The following MBD5 variants were observed in gnomAD, a reference collection of about 807,000 sequenced individuals.
The protein encoded by MBD5 is methyl-CpG-binding domain protein 5.
MBD5 carries 13 observed loss-of-function variants against 117.3 expected under a neutral mutation model. The observed-to-expected ratio is 0.11, with a 90% confidence interval of 0.07 to 0.18. The LOEUF (loss-of-function observed/expected upper bound fraction) is 0.18, where lower values mean the gene tolerates loss of function less well. Among genes scored for constraint, MBD5 ranks in the 10% least tolerant of loss-of-function variants. The probability of loss-of-function intolerance (pLI) is 1.00; values close to 1 mark genes in which losing one functional copy is unlikely to be tolerated. For missense variants in MBD5, 1,879 were observed against 2,093.8 expected (o/e 0.90, Z 2.00); for synonymous variants, 727 against 766.4 (o/e 0.95, Z 0.85).
intron 3 of MBD5, among the ~76,000 whole-genome samples, chr2:148,282,629 C>G (rs1355106117): frequency 6.6e-6 from 1 of 151,658 alleles, no homozygotes; most frequent in Non-Finnish European, 1.5e-5. Flanking sequence ...AGCCATTACT[C>G]GTACAGTGGA....
At chr2:148,360,986 T>C (rs1466604354) in intron 4 of MBD5, among the ~76,000 whole-genome samples, 1 of 152,164 alleles carries the variant, frequency 6.6e-6, no homozygotes, top group Admixed American at 6.5e-5. Flanking sequence ...CTGCTAACTA[T>C]AAAAATCTTC....
chr2:148,174,446 GA>G, intron 1 of MBD5, among the ~76,000 whole-genome samples: 1 of 152,150 alleles, frequency 6.6e-6, no homozygotes, highest in Middle Eastern at 3.4e-3. Context: ...AACAAAAATA[GA>G]TAAAGGGGAT....
At position 148,443,412 on chromosome 2, in the gene MBD5, GA is replaced by G. The variant is rs964080050; in HGVS notation, c.-556-14788del. Among the ~76,000 whole-genome samples, 7 of 150,934 alleles carry G rather than the reference GA, an allele frequency of 4.6e-5. 1 individual carries two copies. The highest frequency in any genetic ancestry group is 1.0e-4 in the Non-Finnish European group (7 of 67,796). ...TCCTAGGTAGATACCCAAAAGAATGGAAATCTGTATCAGATATCTGCACTCT... is the reference window on the plus strand; with the variant it reads ...TCCTAGGTAGATACCCAAAAGAATGGAATCTGTATCAGATATCTGCACTCT... On this transcript the variant is annotated intron_variant, in intron 4 of 13. Transcript: ENST00000642680.
rs764189851 is a variant in MBD5, at chr2:148,502,447, G to C, written c.4974G>C (p.Glu1658Asp). 6.2e-7 allele frequency: 1 copy of C among 1,614,184 alleles called. No homozygotes were observed. Among genetic ancestry groups the C allele is most frequent in the Non-Finnish European group, 8.5e-7 (1 of 1,180,010 alleles). ...QSPEEGKVEP[E>D]KLKTLTEGLE... ...ATACCTTCACTCAGGTGGAGCCCGA[G>C]AAGTTGAAGACACTAACAGAAGGTT... is the stretch of plus-strand genomic sequence containing the variant. The change falls in exon 12 of 14, where the codon GAG becomes GAC. Residue 1658 changes from glutamate (E) to aspartate (D), a missense_variant. By Grantham distance (45) the Glu-to-Asp change is conservative. This residue lies in a region of MBD5 where 135 missense variants were observed against 148.0 expected (regional missense o/e 0.91). Transcript: ENST00000642680.
intron 4 of MBD5, among the ~76,000 whole-genome samples, chr2:148,354,708 T>G (rs1475518834): frequency 6.6e-6 from 1 of 152,210 alleles, no homozygotes; most frequent in Admixed American, 6.5e-5. Context: ...TCCACAGTGG[T>G]TGAACTAATT....
chr2:148,165,562 A>G (rs2105770459), intron 1 of MBD5, among the ~76,000 whole-genome samples: 2 of 152,020 alleles, frequency 1.3e-5, no homozygotes, highest in Admixed American at 1.3e-4. Flanking sequence ...TTTTTTATAT[A>G]TTTTATATTT....
At chr2:148,337,570 G>A (rs1574305412) in intron 3 of MBD5, among the ~76,000 whole-genome samples, 1 of 152,214 alleles carries the variant, frequency 6.6e-6, no homozygotes, top group Non-Finnish European at 1.5e-5. Context: ...GTGGTAATGG[G>A]GGTTGCCTCT....
chr2:148,350,640 C>T (rs1373236589), intron 4 of MBD5, among the ~76,000 whole-genome samples: 1 of 151,942 alleles, frequency 6.6e-6, no homozygotes, highest in Non-Finnish European at 1.5e-5. Flanking sequence ...AGAGTAAAAT[C>T]AGGCTACAAA....
chr2:148,492,717 G>A (rs979194180), intron 11 of MBD5, among the ~76,000 whole-genome samples: 3 of 151,914 alleles, frequency 2.0e-5, no homozygotes, highest in Admixed American at 6.6e-5. Context: ...GTGATGCTCC[G>A]TGAGTCAAAG....
At chr2:148,279,420 C>T (rs1202175469) in intron 3 of MBD5, among the ~76,000 whole-genome samples, 1 of 152,142 alleles carries the variant, frequency 6.6e-6, no homozygotes, top group Non-Finnish European at 1.5e-5. Context: ...ACAAGCAAGA[C>T]CTTGTCTCTG....
In MBD5 at chr2:148,516,520, A is replaced by T. The variant is rs1682346914; in HGVS notation, c.*3579A>T. 6.6e-6 allele frequency: 1 copy of T among 152,218 alleles called. No homozygotes were observed. The highest frequency in any genetic ancestry group is 1.5e-5 in the Non-Finnish European group (1 of 68,030). The allele number at this position is 152,218 out of a possible 1,614,324, so 9.4% of individuals were successfully genotyped here. A position where few individuals can be genotyped will look rare whatever the true frequency, so the allele number is the denominator to read the frequency against. On this transcript the variant is annotated 3_prime_UTR_variant, in exon 14 of 14. Coordinates refer to ENST00000642680, the MANE Select transcript of MBD5 (RefSeq NM_001378120.1). ...CCAGCCAGAACTGTAATATTTAATT[A>T]GTTCATCTTTTTCTTTCATTCACTC...
chr2:148,174,607 ATT>A (rs200957223), intron 1 of MBD5, among the ~76,000 whole-genome samples: 19 of 151,668 alleles, frequency 1.3e-4, no homozygotes, highest in African/African-American at 4.6e-4. Context: ...TAGCAAGAAA[ATT>A]TTAAAAAAAA....
At chr2:148,311,405 C>A (rs1702027586) in intron 3 of MBD5, among the ~76,000 whole-genome samples, 1 of 152,022 alleles carries the variant, frequency 6.6e-6, no homozygotes, top group East Asian at 1.9e-4. Flanking sequence ...TTATGTAAAG[C>A]CCTTCTTTGT....
chr2:148,210,749 A>G (rs369864985), intron 2 of MBD5, among the ~76,000 whole-genome samples: 1 of 152,118 alleles, frequency 6.6e-6, no homozygotes. Context: ...TTGGTAATGT[A>G]AACGTTTTAT....
intron 3 of MBD5, among the ~76,000 whole-genome samples, chr2:148,320,950 T>A (rs1381604027): frequency 6.6e-6 from 1 of 152,206 alleles, no homozygotes; most frequent in African/African-American, 2.4e-5. Flanking sequence ...GAGGAGCAAC[T>A]TTTCATTTCA....
chr2:148,055,418 C>CTTTTTTTTTTTTTTTTTTTTTTTTTTTT (rs56877252), intron 1 of MBD5: 1 of 140,918 alleles, frequency 7.1e-6, no homozygotes, highest in Non-Finnish European at 1.5e-5. Flanking sequence ...ATAGGTTTTT[C>CTTTTTTTTTTTTTTTTTTTTTTTTTTTT]TTTTTTTTTT....
chr2:148,089,629 A>C (rs1262830270), intron 1 of MBD5, among the ~76,000 whole-genome samples: 3 of 152,108 alleles, frequency 2.0e-5, no homozygotes, highest in Non-Finnish European at 4.4e-5. Context: ...GGAAGTAAAA[A>C]ATTATCTGAA....
intron 1 of MBD5, among the ~76,000 whole-genome samples, chr2:148,041,597 G>T (rs993593012): frequency 6.6e-5 from 10 of 152,190 alleles, no homozygotes; most frequent in African/African-American, 2.4e-4. Context: ...TTTACAACAG[G>T]CCATCTAGTT....
intron 1 of MBD5, among the ~76,000 whole-genome samples, chr2:148,074,867 A>T (rs1320692008): frequency 1.3e-5 from 2 of 152,068 alleles, no homozygotes; most frequent in Non-Finnish European, 2.9e-5. Context: ...TGGCTAGAGG[A>T]ATGCTGTTCT....
Sources: gnomAD v4.1 joint callset for allele counts (sites outside exome capture counted in the v4.1 genomes callset) on GRCh38, gnomAD v4.1.1 for gene constraint, gnomAD v4.1.1 regional missense constraint, MANE v1.5 for transcripts, NCBI Gene and HGNC (gene_info 2026-07-23, HGNC 2026-07-21) for gene names.